Variants in FSTL5 observed in about 807,000 individuals in gnomAD.
FSTL5 encodes follistatin like 5, also known as follistatin-related protein 5.
FSTL5 carries 62 observed loss-of-function variants against 89.1 expected under a neutral mutation model. The observed-to-expected ratio is 0.70, with a 90% CI of 0.57 to 0.86. FSTL5 has a LOEUF of 0.86. Among genes scored for constraint, FSTL5 ranks in the 40% least tolerant of loss-of-function variants. FSTL5 has a pLI of 0.00. For missense variants in FSTL5, 1,057 were observed against 1,001.6 expected (o/e 1.06, Z -0.75); for synonymous variants, 383 against 346.2 (o/e 1.11, Z -1.18).
At chr4:161,410,602 T>C (rs1408124959) in intron 15 of FSTL5, among the ~76,000 whole-genome samples, 1 of 152,024 alleles carries the variant, frequency 6.6e-6, no homozygotes, top group Non-Finnish European at 1.5e-5. Flanking sequence ...ACATAGAAAT[T>C]AAACAACTTT....
intron 3 of FSTL5, among the ~76,000 whole-genome samples, chr4:161,962,160 C>G (rs985404494): frequency 6.6e-6 from 1 of 151,750 alleles, no homozygotes; most frequent in African/African-American, 2.4e-5. Flanking sequence ...TATTTTTCTA[C>G]TCTATTATCA....
In FSTL5 at chr4:161,809,357, T is replaced by G. The variant is rs1482000957; in HGVS notation, c.410-33283A>C. Among the ~76,000 whole-genome samples, 5 of 152,320 alleles carry G rather than the reference T, an allele frequency of 3.3e-5. No homozygotes were observed. In the East Asian group the frequency reaches 7.7e-4, roughly 24 times the overall value. On this transcript the variant is annotated intron_variant, in intron 4 of 15. Coordinates refer to ENST00000306100, the MANE Select transcript of FSTL5 (RefSeq NM_020116.5). Reference sequence around the variant, plus strand: ...TGTCTAGGACGTGAAGAAATTGGAATCCTTGGAGTCATTGTACACGCCTAT... The same window carrying G: ...TGTCTAGGACGTGAAGAAATTGGAAGCCTTGGAGTCATTGTACACGCCTAT...
intron 3 of FSTL5, among the ~76,000 whole-genome samples, chr4:162,023,782 AT>A (rs1442255114): frequency 6.6e-6 from 1 of 152,110 alleles, no homozygotes. Flanking sequence ...ACATCAAAGG[AT>A]TTGCTGCCCC....
intron 9 of FSTL5, among the ~76,000 whole-genome samples, chr4:161,539,252 C>T (rs1332575532): frequency 1.3e-5 from 2 of 151,288 alleles, no homozygotes; most frequent in Non-Finnish European, 2.9e-5. Flanking sequence ...GTTACAAGAA[C>T]CACACAAGCA....
chr4:162,084,472 A>T (rs966322016), intron 2 of FSTL5, among the ~76,000 whole-genome samples: 4 of 152,096 alleles, frequency 2.6e-5, no homozygotes, highest in African/African-American at 7.2e-5. Flanking sequence ...ACTTCTGCAC[A>T]TGTATGTTTA....
rs59381258 is a variant in FSTL5, at chr4:161,573,412, CAAA to C, written c.1015+14040_1015+14042del. On this transcript the variant is annotated intron_variant, in intron 8 of 15. Transcript: ENST00000306100. Reference sequence around the variant, plus strand: ...CCTAGATGACAGACTAAAACCCTGTCAAAAAAAAAAAAAAAAAAAGAGAGAGAG... The same window carrying C: ...CCTAGATGACAGACTAAAACCCTGTCAAAAAAAAAAAAAAAAGAGAGAGAG... Among the ~76,000 whole-genome samples the C allele has an allele frequency of 7.9e-3, 947 of 119,664 alleles. 8 individuals are homozygous for C. The highest frequency in any genetic ancestry group is 0.018 in the Middle Eastern group (4 of 222). 78.5% of individuals were successfully genotyped at this position (119,664 alleles called of 152,430 possible).
intron 8 of FSTL5, among the ~76,000 whole-genome samples, chr4:161,556,844 G>GAATATATATATATATATATATATA (rs1732411456): frequency 6.9e-6 from 1 of 144,780 alleles, no homozygotes; most frequent in Non-Finnish European, 1.6e-5. Context: ...GTGTGTGTGT[G>GAATATATATATATATATATATATA]TGTATATATA....
At chr4:162,142,885 C>T (rs1398422302) in intron 1 of FSTL5, among the ~76,000 whole-genome samples, 3 of 152,110 alleles carry the variant, frequency 2.0e-5, no homozygotes, top group African/African-American at 7.2e-5. Flanking sequence ...TCATATGAAG[C>T]TGTTTTAACA....
chr4:161,418,963 C>G (rs1283875386), intron 15 of FSTL5, among the ~76,000 whole-genome samples: 2 of 152,204 alleles, frequency 1.3e-5, no homozygotes, highest in Admixed American at 6.5e-5. Context: ...GTTAGCCCAT[C>G]TGCAGTACTT....
chr4:161,645,261 A>G (rs904301157), intron 7 of FSTL5, among the ~76,000 whole-genome samples: 1 of 152,170 alleles, frequency 6.6e-6, no homozygotes, highest in African/African-American at 2.4e-5. Flanking sequence ...GAAAGTCATG[A>G]TAAAATTATG....
rs1553986241 is a variant in FSTL5 at position 161,437,573 on chromosome 4, A to AAAAAAAAAAAAAAAAAACAAACAAAC, written c.1841+17430_1841+17431insGTTTGTTTGTTTTTTTTTTTTTTTTT. 7.3e-4 allele frequency among the ~76,000 whole-genome samples: 109 copies of AAAAAAAAAAAAAAAAAACAAACAAAC among 149,068 alleles called. 2 individuals carry two copies. In the East Asian group the frequency reaches 0.015, roughly 20 times the overall value. ...AGAGTGAGACTCCGTCTCAAAAAAA[A>AAAAAAAAAAAAAAAAAACAAACAAAC]AAAAAAAAACGAGGTCAGAAAAGGT... On this transcript the variant is annotated intron_variant, in intron 15 of 15. Transcript: ENST00000306100.
At chr4:161,574,167 G>T (rs1397729544) in intron 8 of FSTL5, among the ~76,000 whole-genome samples, 1 of 151,986 alleles carries the variant, frequency 6.6e-6, no homozygotes, top group Non-Finnish European at 1.5e-5. Context: ...CCTATCTCAA[G>T]ATCCTTAAAC....
rs114894509 is a variant in FSTL5 at position 161,554,794 on chromosome 4, T to C, written c.1016-12101A>G. ...GGTAAGAATATAAATGTCTCTGAAG[T>C]AGTGCTGACTCACAGCGGCAGCTGG... On this transcript the variant is annotated intron_variant, in intron 8 of 15. Transcript: ENST00000306100. Among the ~76,000 whole-genome samples the C allele has an allele frequency of 4.9e-3, 750 of 151,808 alleles. 7 individuals carry two copies. Among genetic ancestry groups the C allele is most frequent in the African/African-American group, 0.017 (705 of 41,534 alleles).
intron 3 of FSTL5, among the ~76,000 whole-genome samples, chr4:161,980,565 T>C (rs1401462734): frequency 6.6e-6 from 1 of 152,024 alleles, no homozygotes; most frequent in Non-Finnish European, 1.5e-5. Context: ...GTTTTATTCA[T>C]ATAATCCTCA....
chr4:161,636,001 G>T, intron 7 of FSTL5, among the ~76,000 whole-genome samples: 1 of 150,574 alleles, frequency 6.6e-6, no homozygotes. Flanking sequence ...TTGTGTTTTT[G>T]TTCCCTTGTG....
chr4:161,629,547 G>C (rs1735431823), intron 7 of FSTL5, among the ~76,000 whole-genome samples: 1 of 152,038 alleles, frequency 6.6e-6, no homozygotes, highest in Admixed American at 6.6e-5. Flanking sequence ...GTTTCCCCAT[G>C]TTGGCCAGGC....
intron 6 of FSTL5, among the ~76,000 whole-genome samples, chr4:161,720,344 TA>T (rs966199621): frequency 3.3e-5 from 5 of 152,158 alleles, no homozygotes; most frequent in South Asian, 2.1e-4. Flanking sequence ...ACGATAGCAT[TA>T]TTTTTTTTAA....
intron 3 of FSTL5, among the ~76,000 whole-genome samples, chr4:161,958,224 TC>T (rs1735077369): frequency 6.6e-6 from 1 of 152,052 alleles, no homozygotes; most frequent in Non-Finnish European, 1.5e-5. Flanking sequence ...TATATTAAAT[TC>T]TTTCTGTAGT....
intron 2 of FSTL5, among the ~76,000 whole-genome samples, chr4:162,069,150 C>A (rs945497231): frequency 6.6e-6 from 1 of 151,822 alleles, no homozygotes; most frequent in Non-Finnish European, 1.5e-5. Context: ...TCCTCAAAGA[C>A]CTAGAATCAT....
Sources: allele counts gnomAD v4.1 joint callset (sites outside exome capture counted in the v4.1 genomes callset), GRCh38; gene constraint gnomAD v4.1.1; transcripts MANE v1.5; gene names NCBI Gene and HGNC (gene_info 2026-07-23, HGNC 2026-07-21).